Variants in ASB18 observed in about 807,000 individuals in gnomAD.
ASB18 encodes ankyrin repeat and SOCS box protein 18.
ASB18 carries 33 observed loss-of-function variants against 33.4 expected under a neutral mutation model. The observed-to-expected ratio is 0.99, with a 90% CI of 0.75 to 1.32. The LOEUF is 1.32. Among genes scored for constraint, ASB18 ranks in the 40% most tolerant of loss-of-function variants. The pLI, the probability that ASB18 is intolerant of heterozygous loss-of-function variation, is 0.00. For synonymous variants in ASB18, 295 were observed against 307.6 expected (o/e 0.96, Z 0.43); for missense variants, 694 against 655.5 (o/e 1.06, Z -0.64).
rs559157629 is a variant in ASB18, at chr2:236,231,564, C to A, written c.596+6125G>T. The stretch of plus-strand genomic sequence containing the variant: ...ACAATGAATCTGCTGGCAACTTGAT[C>A]TTGGACTTCCCAGCCTCCAGGACTG... On this transcript the variant is annotated intron_variant, in intron 3 of 5. Coordinates refer to ENST00000409749, the MANE Select transcript of ASB18 (RefSeq NM_212556.4). The surrounding 1 kb of genome is among the most constrained non-coding windows in gnomAD (Gnocchi z 5.5). 2.6e-5 allele frequency among the ~76,000 whole-genome samples: 4 copies of A among 152,176 alleles called. No individual in the cohort carries two copies. Among genetic ancestry groups the A allele is most frequent in the Non-Finnish European group, 4.4e-5 (3 of 68,038 alleles).
At chr2:236,199,602 C>T (rs1265990013) in intron 4 of ASB18, among the ~76,000 whole-genome samples, 3 of 150,950 alleles carry the variant, frequency 2.0e-5, no homozygotes, top group Non-Finnish European at 2.9e-5. Flanking sequence ...TAGATCTTCA[C>T]CGTATCTATT....
At chr2:236,247,965 A>G (rs1457020195) in intron 1 of ASB18, 3 of 152,208 alleles carry the variant, frequency 2.0e-5, no homozygotes, top group African/African-American at 7.2e-5. Context: ...GAGCTCCACA[A>G]GTCACTAGGA....
In ASB18 at chr2:236,196,028, G is replaced by GA; in HGVS notation, c.1215+243_1215+244insT. On this transcript the variant is annotated intron_variant, in intron 5 of 5. Transcript: ENST00000409749. This position sits in a 1 kb window ranked among gnomAD's most constrained non-coding sequence, Gnocchi z 5.6. ...GGTTAAGGAACCCTCGCGCTTTTCAGGCCAGCACGGGGCTCTGAGCTCCTT... is the reference window on the plus strand; with the variant it reads ...GGTTAAGGAACCCTCGCGCTTTTCAGAGCCAGCACGGGGCTCTGAGCTCCTT... 1 of 526,010 alleles carries GA rather than the reference G, an allele frequency of 1.9e-6. No individual in the cohort carries two copies. The highest frequency in any genetic ancestry group is 3.5e-6 in the Non-Finnish European group (1 of 285,114). 32.6% of individuals were successfully genotyped at this position (526,010 alleles called of 1,614,324 possible).
In ASB18 at chr2:236,238,199, G is replaced by A. The variant is rs2060605363; in HGVS notation, c.329-243C>T. Among the ~76,000 whole-genome samples, 1 of 152,116 alleles carries A rather than the reference G, an allele frequency of 6.6e-6. No individual in the cohort carries two copies. Among genetic ancestry groups the A allele is most frequent in the African/African-American group, 2.4e-5 (1 of 41,378 alleles). Reference sequence around the variant, plus strand: ...AGGAGAGATTGAAGGCTAAAACCGAGCTAGAGAGATGGGGCGCCGGGTATT... The same window carrying A: ...AGGAGAGATTGAAGGCTAAAACCGAACTAGAGAGATGGGGCGCCGGGTATT... On this transcript the variant is annotated intron_variant, in intron 2 of 5. Transcript: ENST00000409749. This position sits in a 1 kb window ranked among gnomAD's most constrained non-coding sequence, Gnocchi z 5.2.
Position 236,255,169 on chromosome 2 carries a change from A to C in ASB18, c.205+8972T>G, listed in dbSNP as rs1162060140. On this transcript the variant is annotated intron_variant, in intron 1 of 5. Coordinates refer to ENST00000409749, the MANE Select transcript of ASB18 (RefSeq NM_212556.4). This position sits in a 1 kb window ranked among gnomAD's most constrained non-coding sequence, Gnocchi z 4.4. ...TCTTTTTTTTCTTTCTTTGAGACGG[A>C]GTCTCATTCTGTCGCCCAGGCCTGA... Among the ~76,000 whole-genome samples the C allele has an allele frequency of 6.6e-6, 1 of 151,860 alleles. No individual in the cohort carries two copies. Among genetic ancestry groups the C allele is most frequent in the Non-Finnish European group, 1.5e-5 (1 of 67,968 alleles).
chr2:236,262,022 T>C lies in ASB18; in HGVS notation c.205+2119A>G, dbSNP rs11902179. On this transcript the variant is annotated intron_variant, in intron 1 of 5. Transcript: ENST00000409749. This position sits in a 1 kb window ranked among gnomAD's most constrained non-coding sequence, Gnocchi z 5.2. ...GCTATAATTCAAGATGAGATTTGGG[T>C]GGGGACACAGCCAAACCATATCAGT... 0.087 allele frequency among the ~76,000 whole-genome samples: 13,274 copies of C among 152,178 alleles called. 1,425 individuals carry two copies. Among genetic ancestry groups the C allele is most frequent in the African/African-American group, 0.26 (10,736 of 41,478 alleles).
chr2:236,214,890 C>T lies in ASB18; in HGVS notation c.597-24G>A. 2 of 1,208,146 alleles carry T rather than the reference C, an allele frequency of 1.7e-6. No homozygotes were observed. The highest frequency in any genetic ancestry group is 2.1e-6 in the Non-Finnish European group (2 of 972,526). 74.8% of individuals were successfully genotyped at this position (1,208,146 alleles called of 1,614,324 possible). The stretch of plus-strand genomic sequence containing the variant: ...ACCTGTGGGAAGCCAGGGCCTGTCA[C>T]TCGGGCGCCACGCAGGACGCCCGCA... On this transcript the variant is annotated intron_variant, in intron 3 of 5. Transcript: ENST00000409749. This position sits in a 1 kb window ranked among gnomAD's most constrained non-coding sequence, Gnocchi z 6.5.
rs534022326 is a variant in ASB18 at position 236,208,727 on chromosome 2, C to G, written c.1101+5635G>C. On this transcript the variant is annotated intron_variant, in intron 4 of 5. Transcript: ENST00000409749. The surrounding 1 kb of genome is among the most constrained non-coding windows in gnomAD (Gnocchi z 7.7). Reference sequence around the variant, plus strand: ...CTCTCTGGGGCTCCCTGCCCCTCCCCGTCCTCTGCATCGTGCCCCCTCATG... The same window carrying G: ...CTCTCTGGGGCTCCCTGCCCCTCCCGGTCCTCTGCATCGTGCCCCCTCATG... Among the ~76,000 whole-genome samples the G allele has an allele frequency of 7.2e-5, 11 of 152,310 alleles. No individual in the cohort carries two copies. In the East Asian group the frequency reaches 2.1e-3, roughly 29 times the overall value.
chr2:236,253,913 C>T lies in ASB18; in HGVS notation c.205+10228G>A, dbSNP rs2060680356. ...TGACTGTTCAGCCTCTGGGTGGGTG[C>T]AGGGATGCCGGGAGAGAATGGCAGG... On this transcript the variant is annotated intron_variant, in intron 1 of 5. Coordinates refer to ENST00000409749, the MANE Select transcript of ASB18 (RefSeq NM_212556.4). The surrounding 1 kb of genome is among the most constrained non-coding windows in gnomAD (Gnocchi z 5.4). 6.6e-6 allele frequency: 1 copy of T among 152,154 alleles called. No individual in the cohort carries two copies. Among genetic ancestry groups the T allele is most frequent in the Non-Finnish European group, 1.5e-5 (1 of 68,068 alleles). The allele number at this position is 152,154 out of a possible 1,614,324, so 9.4% of individuals were successfully genotyped here. A position where few individuals can be genotyped will look rare whatever the true frequency, so the allele number is the denominator to read the frequency against.
rs965123505 is a variant in ASB18, at chr2:236,194,348, T to A, written c.*524A>T. ...GGTAAATAATTATCTTACTTGTTAT[T>A]AATCTCTTTTAAAGGTATGTGTAGC... On this transcript the variant is annotated 3_prime_UTR_variant, in exon 6 of 6. Transcript: ENST00000409749. The surrounding 1 kb of genome is among the most constrained non-coding windows in gnomAD (Gnocchi z 4.5). Among the ~76,000 whole-genome samples, 1 of 152,218 alleles carries A rather than the reference T, an allele frequency of 6.6e-6. No homozygotes were observed. The highest frequency in any genetic ancestry group is 2.4e-5 in the African/African-American group (1 of 41,464).
rs1553600506 is a variant in ASB18 at position 236,217,423 on chromosome 2, A to AAT, written c.597-2558_597-2557insAT. The stretch of plus-strand genomic sequence containing the variant: ...GCGAGACTCTGTCTCAAAAAAAAAA[A>AAT]AAAATAAATCTTGGCACCTTCAACT... On this transcript the variant is annotated intron_variant, in intron 3 of 5. Coordinates refer to ENST00000409749, the MANE Select transcript of ASB18 (RefSeq NM_212556.4). The surrounding 1 kb of genome is among the most constrained non-coding windows in gnomAD (Gnocchi z 5.2). Among the ~76,000 whole-genome samples, 1 of 126,712 alleles carries AAT rather than the reference A, an allele frequency of 7.9e-6. No homozygotes were observed. The highest frequency in any genetic ancestry group is 7.3e-5 in the Admixed American group (1 of 13,754). 83.1% of individuals were successfully genotyped at this position (126,712 alleles called of 152,430 possible).
rs985379458 is a variant in ASB18 at position 236,200,706 on chromosome 2, T to C, written c.1102-4321A>G. Among the ~76,000 whole-genome samples the C allele has an allele frequency of 2.6e-5, 4 of 151,970 alleles. No homozygotes were observed. Among genetic ancestry groups the C allele is most frequent in the African/African-American group, 9.7e-5 (4 of 41,354 alleles). On this transcript the variant is annotated intron_variant, in intron 4 of 5. Transcript: ENST00000409749. The surrounding 1 kb of genome is among the most constrained non-coding windows in gnomAD (Gnocchi z 4.2). ...GTAGAATGAGGTCCATACGGATCCA[T>C]AAAGGTGGAAGGAAGAGATCTTCAC... is the stretch of plus-strand genomic sequence containing the variant.
Position 236,211,873 on chromosome 2 carries a change from G to T in ASB18, c.1101+2489C>A, listed in dbSNP as rs2060460208. The stretch of plus-strand genomic sequence containing the variant: ...CATCCTCTCCTGGCCAGGTGTAGGG[G>T]TACCCACTGGAGGTGTGGGGGAATC... On this transcript the variant is annotated intron_variant, in intron 4 of 5. Coordinates refer to ENST00000409749, the MANE Select transcript of ASB18 (RefSeq NM_212556.4). This position sits in a 1 kb window ranked among gnomAD's most constrained non-coding sequence, Gnocchi z 5.0. Among the ~76,000 whole-genome samples the T allele has an allele frequency of 6.6e-6, 1 of 152,138 alleles. No homozygotes were observed. The highest frequency in any genetic ancestry group is 1.5e-5 in the Non-Finnish European group (1 of 68,020).
rs973544454 is a variant in ASB18, at chr2:236,260,190, G to A, written c.205+3951C>T. The stretch of plus-strand genomic sequence containing the variant: ...TCTTTAGAATAAAACTCAGAGTTCT[G>A]TCTACTGGGCTTGTCCTTGGGATAG... On this transcript the variant is annotated intron_variant, in intron 1 of 5. Transcript: ENST00000409749. The surrounding 1 kb of genome is among the most constrained non-coding windows in gnomAD (Gnocchi z 5.1). Among the ~76,000 whole-genome samples the A allele has an allele frequency of 2.2e-4, 27 of 123,642 alleles. No individual in the cohort carries two copies. The highest frequency in any genetic ancestry group is 1.2e-3 in the African/African-American group (27 of 22,528). 81.1% of individuals were successfully genotyped at this position (123,642 alleles called of 152,430 possible). A position where few individuals can be genotyped will look rare whatever the true frequency, so the allele number is the denominator to read the frequency against.
At position 236,235,480 on chromosome 2, in the gene ASB18, G is replaced by A. The variant is rs1468146069; in HGVS notation, c.596+2209C>T. On this transcript the variant is annotated intron_variant, in intron 3 of 5. Coordinates refer to ENST00000409749, the MANE Select transcript of ASB18 (RefSeq NM_212556.4). This position sits in a 1 kb window ranked among gnomAD's most constrained non-coding sequence, Gnocchi z 6.2. ...ATCGTTAAGCGACAAATGACTGTAT[G>A]TGGATGGCAAGTAAGTTCATGAAAC... is the stretch of plus-strand genomic sequence containing the variant. Among the ~76,000 whole-genome samples, 4 of 152,244 alleles carry A rather than the reference G, an allele frequency of 2.6e-5. No individual in the cohort carries two copies. Among genetic ancestry groups the A allele is most frequent in the Admixed American group, 1.3e-4 (2 of 15,288 alleles).
chr2:236,250,520 C>T lies in ASB18; in HGVS notation c.206-9118G>A, dbSNP rs1417987570. The T allele has an allele frequency of 2.0e-5, 3 of 152,202 alleles. No homozygotes were observed. The highest frequency in any genetic ancestry group is 1.9e-4 in the East Asian group (1 of 5,200). 9.4% of individuals were successfully genotyped at this position (152,202 alleles called of 1,614,324 possible). A position where few individuals can be genotyped will look rare whatever the true frequency, so the allele number is the denominator to read the frequency against. ...ATTCTTTCTTAAATATGCCAGCGCA[C>T]GTTGTTGACCTGGTCAATTTCCTTC... On this transcript the variant is annotated intron_variant, in intron 1 of 5. Coordinates refer to ENST00000409749, the MANE Select transcript of ASB18 (RefSeq NM_212556.4). The surrounding 1 kb of genome is among the most constrained non-coding windows in gnomAD (Gnocchi z 4.1).
rs2060724466 is a variant in ASB18 at position 236,262,614 on chromosome 2, A to G, written c.205+1527T>C. On this transcript the variant is annotated intron_variant, in intron 1 of 5. Transcript: ENST00000409749. The surrounding 1 kb of genome is among the most constrained non-coding windows in gnomAD (Gnocchi z 5.2). ...ATCAGCCTCGGGGGGGTGCTTGGGC[A>G]CGGTGGGCCTAAAGGGTGAATGCAA... 6.6e-6 allele frequency among the ~76,000 whole-genome samples: 1 copy of G among 152,190 alleles called. No individual in the cohort carries two copies. The highest frequency in any genetic ancestry group is 1.5e-5 in the Non-Finnish European group (1 of 68,030).
rs752023091 is a variant in ASB18, at chr2:236,264,092, G to C, written c.205+49C>G. 3.9e-6 allele frequency: 6 copies of C among 1,550,980 alleles called. No homozygotes were observed. The highest frequency in any genetic ancestry group is 5.3e-6 in the Non-Finnish European group (6 of 1,129,788). The stretch of plus-strand genomic sequence containing the variant: ...CCTCCAGGATCTGCCCACCCCATCA[G>C]TGTAACTTAGTAATTAAATCCCAGA... On this transcript the variant is annotated intron_variant, in intron 1 of 5. Coordinates refer to ENST00000409749, the MANE Select transcript of ASB18 (RefSeq NM_212556.4). The surrounding 1 kb of genome is among the most constrained non-coding windows in gnomAD (Gnocchi z 5.1).
At chr2:236,207,983 C>T (rs1227990496) in intron 4 of ASB18, among the ~76,000 whole-genome samples, 2 of 152,100 alleles carry the variant, frequency 1.3e-5, no homozygotes, top group Non-Finnish European at 2.9e-5. Context: ...TCCTTCCTCT[C>T]ATCTGTGCCT....
Sources: allele counts gnomAD v4.1 joint callset (sites outside exome capture counted in the v4.1 genomes callset), GRCh38; gene constraint gnomAD v4.1.1; non-coding constraint Gnocchi (gnomAD v3.1); transcripts MANE v1.5; gene names NCBI Gene and HGNC (gene_info 2026-07-23, HGNC 2026-07-21).